Variants in AZIN2 observed in about 807,000 individuals in gnomAD.
The protein encoded by AZIN2 is ODC antizyme inhibitor-2.
AZIN2 carries 28 observed loss-of-function variants against 47.8 expected under a neutral mutation model. That is an observed-to-expected ratio of 0.59 (90% confidence interval 0.43 to 0.80). AZIN2 has a LOEUF of 0.80. Among genes scored for constraint, AZIN2 ranks in the 30% least tolerant of loss-of-function variants. The pLI is 0.00. For missense variants in AZIN2, 535 were observed against 582.5 expected (o/e 0.92, Z 0.84); for synonymous variants, 221 against 239.4 (o/e 0.92, Z 0.71).
rs78554991 is a variant in AZIN2, at chr1:33,101,445, G to A, written c.1029+3266G>A. Among the ~76,000 whole-genome samples, 1,473 of 148,472 alleles carry A rather than the reference G, an allele frequency of 9.9e-3. 11 individuals are homozygous for A. Among genetic ancestry groups the A allele is most frequent in the African/African-American group, 0.017 (694 of 40,762 alleles). On this transcript the variant is annotated intron_variant, in intron 10 of 11. Transcript: ENST00000294517. ...TGCATTCTTGATTTTCCTGATTGGT[G>A]AATTTCCTGAATTTCCCTTTGGTGC...
In AZIN2 at chr1:33,106,801, G is replaced by A. The variant is rs187485346; in HGVS notation, c.1029+8622G>A. ...AAGGGCCATATATGACAAGCTCACA[G>A]CTAATGTTATACTCAACAAGGATCC... On this transcript the variant is annotated intron_variant, in intron 10 of 11. Coordinates refer to ENST00000294517, the MANE Select transcript of AZIN2 (RefSeq NM_052998.4). 3.9e-5 allele frequency among the ~76,000 whole-genome samples: 6 copies of A among 152,268 alleles called. No individual in the cohort carries two copies. In the East Asian group the frequency reaches 1.2e-3, roughly 29 times the overall value.
At chr1:33,134,314 T>C in the AZIN2 span, among the ~76,000 whole-genome samples, 40,301 of 152,142 alleles carry the variant, frequency 0.26, 5,376 homozygotes, top group South Asian at 0.33. Context: ...GAGGCTATCG[T>C]GGTGAAGTGT....
the AZIN2 span, among the ~76,000 whole-genome samples, chr1:33,153,090 T>G: frequency 6.6e-6 from 1 of 151,684 alleles, no homozygotes; most frequent in African/African-American, 2.4e-5. Context: ...GAGTGACAGG[T>G]GCTGGATGGG....
chr1:33,097,793 C>CT (rs1643313432), intron 9 of AZIN2, among the ~76,000 whole-genome samples: 1 of 152,152 alleles, frequency 6.6e-6, no homozygotes, highest in African/African-American at 2.4e-5. Flanking sequence ...GTGGGCTGCT[C>CT]TTCTGCCTTT....
the AZIN2 span, among the ~76,000 whole-genome samples, chr1:33,160,451 C>G: frequency 6.6e-6 from 1 of 152,070 alleles, no homozygotes; most frequent in Non-Finnish European, 1.5e-5. Context: ...GTCACCCAGG[C>G]TGGAGTGTGA....
At position 33,094,644 on chromosome 1, in the gene AZIN2, C is replaced by T. The variant is rs1402850074; in HGVS notation, c.684C>T (p.His228=). 4.3e-6 allele frequency: 7 copies of T among 1,614,034 alleles called. No individual in the cohort carries two copies. Among genetic ancestry groups the T allele is most frequent in the Non-Finnish European group, 5.9e-6 (7 of 1,180,030 alleles). Residue 228 remains histidine, a synonymous_variant, in exon 8 of 12, where the codon CAC becomes CAT. Coordinates refer to ENST00000294517, the MANE Select transcript of AZIN2 (RefSeq NM_052998.4). ...LVFEMGTELG[H]KMHVLDLGGG... is the part of the protein sequence containing the mutation. ...TTGAAATGGGCACCGAGCTGGGTCA[C>T]AAGATGCACGTTCTGGACCTTGGTG...
chr1:33,127,379 G>C (rs1296647969), downstream of AZIN2, among the ~76,000 whole-genome samples: 1 of 152,264 alleles, frequency 6.6e-6, no homozygotes, highest in Non-Finnish European at 1.5e-5. Context: ...GCGGCTGGGA[G>C]GAGGGACCGA....
chr1:33,128,583 C>T, the AZIN2 span, among the ~76,000 whole-genome samples: 1 of 152,180 alleles, frequency 6.6e-6, no homozygotes, highest in East Asian at 1.9e-4. Flanking sequence ...ATACCTGCCC[C>T]ACCCTCTTCC....
chr1:33,131,476 A>G, the AZIN2 span, among the ~76,000 whole-genome samples: 1 of 152,256 alleles, frequency 6.6e-6, no homozygotes, highest in Non-Finnish European at 1.5e-5. Context: ...TGGCCAGTCC[A>G]AATTGAATGT....
chr1:33,113,840 A>G lies in AZIN2; in HGVS notation c.1030-4062A>G, dbSNP rs1570178782. 6.6e-6 allele frequency among the ~76,000 whole-genome samples: 1 copy of G among 152,348 alleles called. No homozygotes were observed. Among genetic ancestry groups the G allele is most frequent in the East Asian group, 1.9e-4 (1 of 5,186 alleles). On this transcript the variant is annotated intron_variant, in intron 10 of 11. Coordinates refer to ENST00000294517, the MANE Select transcript of AZIN2 (RefSeq NM_052998.4). This position sits in a 1 kb window ranked among gnomAD's most constrained non-coding sequence, Gnocchi z 4.1. ...GTTTTGTCTGTAGTTTTAATAAAGA[A>G]TAGATGCTACGGGCTACTTCATGGT...
rs1047650380 is a variant in AZIN2, at chr1:33,122,556, A to G, written c.*2374A>G. On this transcript the variant is annotated 3_prime_UTR_variant, in exon 12 of 12. Coordinates refer to ENST00000294517, the MANE Select transcript of AZIN2 (RefSeq NM_052998.4). ...AATGTGGAGAATGGTAAGGGGCTTC[A>G]GGCTTGTGCAGGCGAATCTAAGCAG... 1.3e-5 allele frequency among the ~76,000 whole-genome samples: 2 copies of G among 152,204 alleles called. No individual in the cohort carries two copies. The highest frequency in any genetic ancestry group is 4.8e-5 in the African/African-American group (2 of 41,450).
At chr1:33,133,507 C>T in the AZIN2 span, among the ~76,000 whole-genome samples, 3 of 152,178 alleles carry the variant, frequency 2.0e-5, no homozygotes, top group African/African-American at 4.8e-5. Context: ...CTGGGACCAC[C>T]GGCGGCACGT....
the AZIN2 span, among the ~76,000 whole-genome samples, chr1:33,162,375 T>G: frequency 1.3e-5 from 2 of 152,248 alleles, no homozygotes; most frequent in African/African-American, 4.8e-5. Context: ...AAGTGACCTC[T>G]TCAGAGATAA....
chr1:33,125,516 T>G (rs1265858817), downstream of AZIN2, among the ~76,000 whole-genome samples: 1 of 152,232 alleles, frequency 6.6e-6, no homozygotes, highest in Admixed American at 6.5e-5. Flanking sequence ...ACTCCAGCAT[T>G]GGCTCATTCT....
At chr1:33,158,997 C>G in the AZIN2 span, among the ~76,000 whole-genome samples, 1 of 152,002 alleles carries the variant, frequency 6.6e-6, no homozygotes, top group Non-Finnish European at 1.5e-5. Context: ...CCTGCCACCA[C>G]GCCCGGCTAA....
chr1:33,114,039 G>C (rs1034609324), intron 10 of AZIN2, among the ~76,000 whole-genome samples: 6 of 151,920 alleles, frequency 3.9e-5, no homozygotes, highest in Non-Finnish European at 8.8e-5. Flanking sequence ...ATATTCACAA[G>C]TGAGATTTTG....
In AZIN2 at chr1:33,123,373, T is replaced by C. The variant is rs1178490475; in HGVS notation, c.*3191T>C. Among the ~76,000 whole-genome samples the C allele has an allele frequency of 6.6e-6, 1 of 152,248 alleles. No individual in the cohort carries two copies. Among genetic ancestry groups the C allele is most frequent in the Non-Finnish European group, 1.5e-5 (1 of 68,034 alleles). On this transcript the variant is annotated 3_prime_UTR_variant, in exon 12 of 12. Transcript: ENST00000294517. ...AGGCTCTTGGAATAAACCTGATTTA[T>C]TTTTTCACTGCTGTGTCCTTATTAC...
rs113609039 is a variant in AZIN2, at chr1:33,120,284, G to A, written c.*102G>A. The A allele has an allele frequency of 2.8e-3, 4,114 of 1,491,518 alleles. 104 individuals carry two copies. The African/African-American group carries it at 0.05, about 18-fold the overall frequency. 92.4% of individuals were successfully genotyped at this position (1,491,518 alleles called of 1,614,324 possible). ...AAGGGTACCCTTGGCCAGGACTCTG[G>A]TGCCCACCCTGCCACCCCCGCGCTC... On this transcript the variant is annotated 3_prime_UTR_variant, in exon 12 of 12. Transcript: ENST00000294517.
At chr1:33,139,411 C>A in the AZIN2 span, among the ~76,000 whole-genome samples, 27 of 152,340 alleles carry the variant, frequency 1.8e-4, no homozygotes, top group Non-Finnish European at 3.7e-4. Flanking sequence ...TCTTGAGATG[C>A]TCATGCCTAG....
Sources: allele counts gnomAD v4.1 joint callset (sites outside exome capture counted in the v4.1 genomes callset), GRCh38; gene constraint gnomAD v4.1.1; non-coding constraint Gnocchi (gnomAD v3.1); transcripts MANE v1.5; gene names NCBI Gene and HGNC (gene_info 2026-07-23, HGNC 2026-07-21).